The following UNC13C variants were observed in gnomAD, a reference collection of about 807,000 sequenced individuals.
UNC13C encodes the protein unc-13 homolog C.
UNC13C carries 174 observed loss-of-function variants against 245.4 expected under a neutral mutation model. The ratio of observed to expected loss-of-function variants is 0.71; its 90% CI spans 0.63 to 0.80. The LOEUF (loss-of-function observed/expected upper bound fraction) is 0.80. Ranked by LOEUF, UNC13C falls within the 30% of genes least tolerant of loss-of-function variation. The pLI, the probability that UNC13C is intolerant of heterozygous loss-of-function variation, is 0.00. For synonymous variants in UNC13C, 992 were observed against 895.1 expected, an observed-to-expected ratio of 1.11 and a Z score of -1.93; for missense variants, 2,829 against 2,602.9, an observed-to-expected ratio of 1.09 and a Z score of -1.89.
At chr15:54,231,071 A>T (rs1195668520) in intron 4 of UNC13C, among the ~76,000 whole-genome samples, 1 of 152,004 alleles carries the variant, frequency 6.6e-6, no homozygotes, top group Admixed American at 6.6e-5. Context: ...CCTAAGAAGA[A>T]CACTTGAATA....
At chr15:54,427,429 T>C (rs7173400) in intron 19 of UNC13C, among the ~76,000 whole-genome samples, 39,727 of 151,726 alleles carry the variant, frequency 0.26, 5,497 homozygotes, top group African/African-American at 0.35. Context: ...TGTGAAACTA[T>C]AAGTCCAATT....
chr15:54,104,669 CTAAA>C (rs1471440229), intron 2 of UNC13C, among the ~76,000 whole-genome samples: 1 of 149,890 alleles, frequency 6.7e-6, no homozygotes, highest in Admixed American at 6.7e-5. Flanking sequence ...TTTAGTTTCT[CTAAA>C]TAATTATATT....
intron 2 of UNC13C, among the ~76,000 whole-genome samples, chr15:54,038,390 T>G (rs978556864): frequency 2.0e-5 from 3 of 151,666 alleles, no homozygotes; most frequent in African/African-American, 7.3e-5. Context: ...ACCTCTGCCT[T>G]TCAAAGTGCT....
intron 17 of UNC13C, among the ~76,000 whole-genome samples, chr15:54,368,447 G>A (rs990917823): frequency 1.3e-5 from 2 of 151,772 alleles, no homozygotes; most frequent in East Asian, 3.9e-4. Flanking sequence ...ACAAAAGTGT[G>A]GTAGAAATGC....
At chr15:53,995,781 A>G (rs996138457) in intron 1 of UNC13C, among the ~76,000 whole-genome samples, 3 of 152,144 alleles carry the variant, frequency 2.0e-5, no homozygotes. Flanking sequence ...GAAGATTAAG[A>G]TTTTATACAA....
Position 54,353,601 on chromosome 15 carries a change from A to C in UNC13C, c.4713+15112A>C, listed in dbSNP as rs1471678550. Reference sequence around the variant, plus strand: ...AAACTATCTTAGCTCTTTCATCTGTACTGTGCCTAAACCAATGGTCAATCA... The same window carrying C: ...AAACTATCTTAGCTCTTTCATCTGTCCTGTGCCTAAACCAATGGTCAATCA... On this transcript the variant is annotated intron_variant, in intron 17 of 32. Coordinates refer to ENST00000260323, the MANE Select transcript of UNC13C (RefSeq NM_001080534.3). Among the ~76,000 whole-genome samples, 3 of 152,308 alleles carry C rather than the reference A, an allele frequency of 2.0e-5. No individual in the cohort carries two copies. The South Asian group carries it at 6.2e-4, about 32-fold the overall frequency.
intron 17 of UNC13C, among the ~76,000 whole-genome samples, chr15:54,374,729 G>A (rs1237559695): frequency 1.3e-5 from 2 of 152,216 alleles, no homozygotes; most frequent in Non-Finnish European, 2.9e-5. Context: ...GGAAGGGGTG[G>A]GGGCTTCTGC....
chr15:54,024,407 T>C (rs1440101832), intron 2 of UNC13C, among the ~76,000 whole-genome samples: 1 of 152,200 alleles, frequency 6.6e-6, no homozygotes, highest in Non-Finnish European at 1.5e-5. Flanking sequence ...AGGTAAAAGC[T>C]TTATTGTTCA....
chr15:54,124,813 G>A (rs1284740765), intron 2 of UNC13C, among the ~76,000 whole-genome samples: 1 of 58,420 alleles, frequency 1.7e-5, no homozygotes, highest in African/African-American at 6.9e-5. Flanking sequence ...TGAAGTTTAG[G>A]TAAAGTTTCC....
At chr15:54,225,720 G>T (rs1005850780) in intron 4 of UNC13C, among the ~76,000 whole-genome samples, 1 of 152,176 alleles carries the variant, frequency 6.6e-6, no homozygotes, top group Non-Finnish European at 1.5e-5. Context: ...TGACAAGATG[G>T]GTTTTTTAGA....
At position 54,105,029 on chromosome 15, in the gene UNC13C, A is replaced by T. The variant is rs181742475; in HGVS notation, c.2984-37989A>T. On this transcript the variant is annotated intron_variant, in intron 2 of 32. Coordinates refer to ENST00000260323, the MANE Select transcript of UNC13C (RefSeq NM_001080534.3). ...AAGGCTCTTCACTTTGTCTGGAGGA[A>T]AAGCCCCAGTTTTTCTACCTGAGGG... Among the ~76,000 whole-genome samples the T allele has an allele frequency of 3.3e-5, 5 of 152,148 alleles. No homozygotes were observed. The East Asian group carries it at 9.6e-4, about 29-fold the overall frequency.
At chr15:54,485,002 AT>A (rs35981487) in intron 19 of UNC13C, among the ~76,000 whole-genome samples, 67,657 of 151,110 alleles carry the variant, frequency 0.45, 15,376 homozygotes, top group East Asian at 0.72. Context: ...TTATGGATGA[AT>A]TTTTTTTTTG....
the UNC13C span, among the ~76,000 whole-genome samples, chr15:53,941,851 A>C: frequency 5.2e-3 from 791 of 152,302 alleles, 10 homozygotes; most frequent in African/African-American, 0.018. Context: ...CAAAACCAAA[A>C]TAAGATGCCA....
chr15:54,172,771 A>C (rs764658642), intron 4 of UNC13C, among the ~76,000 whole-genome samples: 2 of 118,542 alleles, frequency 1.7e-5, no homozygotes, highest in Admixed American at 9.0e-5. Context: ...TCTTTACTCT[A>C]TAGGTCATTT....
At chr15:54,077,520 A>G (rs1318088543) in intron 2 of UNC13C, among the ~76,000 whole-genome samples, 1 of 151,116 alleles carries the variant, frequency 6.6e-6, no homozygotes, top group Non-Finnish European at 1.5e-5. Context: ...CTGGGACTAC[A>G]GGCATGCACC....
intron 13 of UNC13C, among the ~76,000 whole-genome samples, chr15:54,314,135 G>A (rs1182014532): frequency 6.6e-6 from 1 of 151,384 alleles, no homozygotes; most frequent in African/African-American, 2.4e-5. Flanking sequence ...GTGATTACCA[G>A]GGTCTTAGGG....
At chr15:53,950,777 C>G in the UNC13C span, among the ~76,000 whole-genome samples, 1 of 151,912 alleles carries the variant, frequency 6.6e-6, no homozygotes, top group African/African-American at 2.4e-5. Context: ...AGAGCAAGCT[C>G]AGGGTTGGCA....
At chr15:53,988,514 C>G (rs183369315) in intron 1 of UNC13C, among the ~76,000 whole-genome samples, 3 of 151,982 alleles carry the variant, frequency 2.0e-5, no homozygotes, top group Non-Finnish European at 2.9e-5. Context: ...CAAAAAGGAT[C>G]TACCATCACA....
chr15:54,408,681 C>T (rs766786897), intron 18 of UNC13C, among the ~76,000 whole-genome samples: 1 of 152,084 alleles, frequency 6.6e-6, no homozygotes, highest in Non-Finnish European at 1.5e-5. Flanking sequence ...AAATTAAAAG[C>T]GTGACTCCCC....
Sources: gnomAD v4.1 joint callset for allele counts (sites outside exome capture counted in the v4.1 genomes callset) on GRCh38, gnomAD v4.1.1 for gene constraint, MANE v1.5 for transcripts, NCBI Gene and HGNC (gene_info 2026-07-23, HGNC 2026-07-21) for gene names.